NYX: variants seen among roughly 807,000 people sequenced by gnomAD.
NYX encodes the protein leucine-rich repeat protein.
For missense variants in NYX, 481 were observed against 485.4 expected (o/e 0.99, Z 0.09); for synonymous variants, 258 against 245.7 (o/e 1.05, Z -0.47).
intron 2 of NYX, among the ~76,000 whole-genome samples, chrX:41,460,877 T>TTC (rs774924807): frequency 0.16 from 5,751 of 36,003 alleles, 631 homozygotes; most frequent in East Asian, 0.23. Flanking sequence ...ACAGTATGTA[T>TTC]TTTTTTTTTT....
intron 2 of NYX, among the ~76,000 whole-genome samples, chrX:41,451,761 G>C (rs2064280897): frequency 9.0e-6 from 1 of 110,847 alleles, no homozygotes; most frequent in Admixed American, 9.7e-5. Context: ...TGATCCACCT[G>C]TCTCGGCCTC....
Position 41,468,439 on chromosome X carries a change from G to A in NYX, c.23-5052G>A, listed in dbSNP as rs775339047. On this transcript the variant is annotated intron_variant, in intron 2 of 2. Coordinates refer to ENST00000378220, the MANE Select transcript of NYX (RefSeq NM_001378477.3). ...CCAGAGTAGCTGGGACTACAGGCAC[G>A]CGCCACCACACCTGGCTAATTTTTG... Among the ~76,000 whole-genome samples, 56 of 110,516 alleles carry A rather than the reference G, an allele frequency of 5.1e-4. 2 individuals are homozygous for A. The South Asian group carries it at 0.02, about 39-fold the overall frequency.
In NYX at chrX:41,473,966, C is replaced by T; in HGVS notation, c.498C>T (p.Phe166=). ...AACTCGCCGCCTTCGACAACCTGTT[C>T]CGCCGCGTGCCGGGCGCGCTGCGCG... is the stretch of plus-strand genomic sequence containing the variant. ...LRELAAFDNL[F]RRVPGALRGL... is the part of the protein sequence containing the mutation. Residue 166 remains phenylalanine (F), a synonymous_variant, in exon 3 of 3, where the codon TTC becomes TTT. Coordinates refer to ENST00000378220, the MANE Select transcript of NYX (RefSeq NM_001378477.3). 1 of 1,086,001 alleles carries T rather than the reference C, an allele frequency of 9.2e-7. No individual in the cohort carries two copies. The highest frequency in any genetic ancestry group is 1.2e-6 in the Non-Finnish European group (1 of 839,722). The allele number at this position is 1,086,001 out of a possible 1,213,427, so 89.5% of individuals were successfully genotyped here.
chrX:41,462,664 T>A (rs2064324195), intron 2 of NYX, among the ~76,000 whole-genome samples: 1 of 112,248 alleles, frequency 8.9e-6, no homozygotes, highest in South Asian at 3.6e-4. Context: ...ATTTTAGCCA[T>A]TCTAATAGGT....
intron 2 of NYX, among the ~76,000 whole-genome samples, chrX:41,470,663 C>A (rs1354772151): frequency 2.0e-5 from 2 of 100,532 alleles, no homozygotes; most frequent in Admixed American, 2.2e-4. Flanking sequence ...CCATTGCACT[C>A]CAGCCTGGCG....
At chrX:41,467,000 C>T (rs1389832570) in intron 2 of NYX, among the ~76,000 whole-genome samples, 9 of 109,233 alleles carry the variant, frequency 8.2e-5, no homozygotes, top group Admixed American at 3.0e-4. Context: ...GGCAGGGTTT[C>T]GCCATGTTGG....
At chrX:41,450,750 A>G (rs1285228747) in intron 2 of NYX, among the ~76,000 whole-genome samples, 6 of 100,815 alleles carry the variant, frequency 6.0e-5, no homozygotes, top group Non-Finnish European at 1.2e-4. Flanking sequence ...GGTTCAAGTG[A>G]TTCTCATGCC....
intron 2 of NYX, among the ~76,000 whole-genome samples, chrX:41,466,109 C>T (rs1326629833): frequency 1.8e-5 from 2 of 112,096 alleles, no homozygotes; most frequent in Non-Finnish European, 3.8e-5. Flanking sequence ...TTTAGCTTCA[C>T]TCACCATGTG....
intron 2 of NYX, among the ~76,000 whole-genome samples, chrX:41,449,993 G>A (rs1259637615): frequency 9.0e-6 from 1 of 110,902 alleles, no homozygotes; most frequent in Admixed American, 9.7e-5. Context: ...GACTAAGTGA[G>A]CCTCACAAAA....
In NYX at chrX:41,460,876, A is replaced by ATTCTTTTTTTTTTTTTT. The variant is rs1335308569; in HGVS notation, c.23-12613_23-12612insCTTTTTTTTTTTTTTTT. ...ATGTAAGCGGAGTCACACAGTATGT[A>ATTCTTTTTTTTTTTTTT]TTTTTTTTTTTTTTTTTTTTTTTTT... On this transcript the variant is annotated intron_variant, in intron 2 of 2. Transcript: ENST00000378220. Among the ~76,000 whole-genome samples the ATTCTTTTTTTTTTTTTT allele has an allele frequency of 3.2e-4, 8 of 24,776 alleles. 2 individuals are homozygous for ATTCTTTTTTTTTTTTTT. The highest frequency in any genetic ancestry group is 4.1e-4 in the Non-Finnish European group (6 of 14,535). The allele number at this position is 24,776 out of a possible 115,157, so 21.5% of individuals were successfully genotyped here. A position where few individuals can be genotyped will look rare whatever the true frequency, so the allele number is the denominator to read the frequency against.
intron 2 of NYX, among the ~76,000 whole-genome samples, chrX:41,466,462 A>G (rs1379966408): frequency 9.0e-6 from 1 of 111,096 alleles, no homozygotes; most frequent in African/African-American, 3.3e-5. Flanking sequence ...GAGAGGAAAA[A>G]TCAGTTAGAT....
At chrX:41,460,554 A>G (rs2147016867) in intron 2 of NYX, among the ~76,000 whole-genome samples, 1 of 112,193 alleles carries the variant, frequency 8.9e-6, no homozygotes, top group Non-Finnish European at 1.9e-5. Context: ...TTTGCTGGCA[A>G]AGTGAAAGCA....
chrX:41,451,048 C>T (rs1333219133), intron 2 of NYX, among the ~76,000 whole-genome samples: 2 of 107,838 alleles, frequency 1.9e-5, no homozygotes, highest in Non-Finnish European at 3.8e-5. Flanking sequence ...GTCTCAAACT[C>T]CTGGCCTCAA....
intron 2 of NYX, among the ~76,000 whole-genome samples, chrX:41,465,596 C>A (rs1429593887): frequency 1.9e-5 from 2 of 102,751 alleles, no homozygotes; most frequent in African/African-American, 7.1e-5. Flanking sequence ...GTGGCATGAT[C>A]TCAGCTCACT....
chrX:41,448,493 C>T (rs1325293355), intron 2 of NYX, among the ~76,000 whole-genome samples: 1 of 109,414 alleles, frequency 9.1e-6, no homozygotes, highest in African/African-American at 3.3e-5. Context: ...CTGCCCGCCT[C>T]GGCCTCCCAA....
chrX:41,474,820 G>C lies in NYX; in HGVS notation c.1352G>C (p.Arg451Pro). The C allele has an allele frequency of 8.3e-7, 1 of 1,204,961 alleles. No homozygotes were observed. The highest frequency in any genetic ancestry group is 1.1e-6 in the Non-Finnish European group (1 of 893,076). Residue 451 changes from arginine to proline, a missense_variant, in exon 3 of 3, where the codon CGG becomes CCG. By Grantham distance (103) the Arg-to-Pro change is moderately radical. Transcript: ENST00000378220. ...LSSRGVGGAGRQPWFLLASCL... is the reference protein window; with the variant it reads ...LSSRGVGGAGPQPWFLLASCL... ...TCCCGTGGGGTGGGAGGCGCGGGCC[G>C]GCAGCCCTGGTTTCTCCTCGCCTCT... is the stretch of plus-strand genomic sequence containing the variant.
chrX:41,448,266 G>A (rs2064265618), intron 2 of NYX, among the ~76,000 whole-genome samples: 1 of 111,286 alleles, frequency 9.0e-6, no homozygotes, highest in Non-Finnish European at 1.9e-5. Context: ...TTTTGGAGAT[G>A]GAGTCTCGCT....
chrX:41,474,305 C>T lies in NYX; in HGVS notation c.837C>T (p.Tyr279=). The part of the protein sequence containing the change: ...FADLAELELL[Y]LDRNSIAFVE... ...ACCTGGCCGAGCTCGAGCTGCTCTA[C>T]CTGGACCGCAACAGCATCGCCTTCG... The change falls in exon 3 of 3, where the codon TAC becomes TAT. Residue 279 remains tyrosine, a synonymous_variant. Transcript: ENST00000378220. The T allele has an allele frequency of 8.3e-7, 1 of 1,208,384 alleles. No homozygotes were observed. Among genetic ancestry groups the T allele is most frequent in the Non-Finnish European group, 1.1e-6 (1 of 895,441 alleles).
In NYX at chrX:41,474,847, G is replaced by T. The variant is rs374968384; in HGVS notation, c.1379G>T (p.Cys460Phe). The T allele has an allele frequency of 2.1e-4, 253 of 1,206,127 alleles. No homozygotes were observed. The highest frequency in any genetic ancestry group is 2.6e-4 in the Non-Finnish European group (236 of 894,120). ...CAGCCCTGGTTTCTCCTCGCCTCTTGTCTCCTGCCCAGCGTGGCCCAGCAC... is the reference window on the plus strand; with the variant it reads ...CAGCCCTGGTTTCTCCTCGCCTCTTTTCTCCTGCCCAGCGTGGCCCAGCAC... ...GRQPWFLLAS[C>F]LLPSVAQHVV... is the part of the protein sequence containing the mutation. The change falls in exon 3 of 3, where the codon TGT becomes TTT. Residue 460 changes from cysteine to phenylalanine, a missense_variant. Transcript: ENST00000378220.
Sources: allele counts gnomAD v4.1 joint callset (sites outside exome capture counted in the v4.1 genomes callset), GRCh38; gene constraint gnomAD v4.1.1; transcripts MANE v1.5; gene names NCBI Gene and HGNC (gene_info 2026-07-23, HGNC 2026-07-21).